PRDM7: variants seen among roughly 807,000 people sequenced by gnomAD.
PRDM7 encodes PR/SET domain 7, also known as histone-lysine N-methyltransferase PRDM7.
In PRDM7, 52 loss-of-function variants were observed where a neutral mutation model predicts 64.3. The ratio of observed to expected loss-of-function variants is 0.81; its 90% confidence interval spans 0.65 to 1.02. PRDM7 has a LOEUF of 1.02. PRDM7 is among the 50% of genes least tolerant of loss of function. PRDM7 has a pLI of 0.00. For synonymous variants in PRDM7, 192 were observed against 210.1 expected (o/e 0.91, Z 0.74); for missense variants, 574 against 597.1 (o/e 0.96, Z 0.40).
chr16:90,061,821 T>A, intron 8 of PRDM7, 100 bp downstream of exon 8: 1 of 1,555,918 alleles, frequency 6.4e-7, no homozygotes. Flanking sequence ...CTAACCATGT[T>A]ATCCCTACCT....
At chr16:90,060,277 A>G (rs2037749362) in intron 10 of PRDM7, 64 bp downstream of exon 10, 4 of 1,612,552 alleles carry the variant, frequency 2.5e-6, no homozygotes, top group Middle Eastern at 1.6e-4. Context: ...GAGTTCAATC[A>G]TGAAAATTCT....
Position 90,058,188 on chromosome 16 carries a change from C to T in PRDM7, c.*101G>A, listed in dbSNP as rs2037711471. The T allele has an allele frequency of 6.2e-7, 1 of 1,614,218 alleles. No individual in the cohort carries two copies. Among genetic ancestry groups the T allele is most frequent in the East Asian group, 2.2e-5 (1 of 44,884 alleles). On this transcript the variant is annotated 3_prime_UTR_variant, in exon 11 of 11. Coordinates refer to ENST00000449207, the MANE Select transcript of PRDM7 (RefSeq NM_001098173.2). ...GATTCACTTTCTGGCCTGTTCTGGA[C>T]TCTTCTTCCATCATTCTTTCTCCCA...
chr16:90,074,763 C>T (rs950201422), intron 4 of PRDM7, among the ~76,000 whole-genome samples, 153 bp downstream of exon 4: 1 of 151,966 alleles, frequency 6.6e-6, no homozygotes, highest in African/African-American at 2.4e-5. Context: ...CCTGTAATCC[C>T]AGTTATTTGG....
intron 4 of PRDM7, among the ~76,000 whole-genome samples, chr16:90,074,431 G>A (rs2038005938): frequency 6.6e-6 from 1 of 150,846 alleles, no homozygotes; most frequent in Admixed American, 6.6e-5. Context: ...ACAAAAATTA[G>A]CTGGGCAAAG....
chr16:90,062,711 A>T (rs900250289), intron 6 of PRDM7, among the ~76,000 whole-genome samples: 1 of 152,202 alleles, frequency 6.6e-6, no homozygotes, highest in African/African-American at 2.4e-5. Flanking sequence ...AGCTGTTCTC[A>T]TTATCCCATT....
At chr16:90,058,774 G>A (rs528808637) in intron 10 of PRDM7, among the ~76,000 whole-genome samples, 1 of 152,146 alleles carries the variant, frequency 6.6e-6, no homozygotes, top group South Asian at 2.1e-4. Flanking sequence ...CAGACTCTGG[G>A]TAACCTCAAG....
intron 7 of PRDM7, 40 bp downstream of exon 7, chr16:90,062,361 A>G (rs753045501): frequency 1.2e-6 from 2 of 1,613,774 alleles, no homozygotes; most frequent in Admixed American, 3.3e-5. Flanking sequence ...GTACCAGGAC[A>G]TAACAGCAAG....
chr16:90,061,193 T>C (rs535359934), intron 9 of PRDM7, among the ~76,000 whole-genome samples: 1 of 152,364 alleles, frequency 6.6e-6, no homozygotes, highest in African/African-American at 2.4e-5. Context: ...AATTAAAGCA[T>C]GAATTAACCT....
intron 4 of PRDM7, among the ~76,000 whole-genome samples, chr16:90,072,690 G>A (rs1167903906): frequency 1.3e-5 from 2 of 152,112 alleles, no homozygotes; most frequent in East Asian, 1.9e-4. Context: ...AAAGTTGTAC[G>A]CTTAAAAATT....
At position 90,058,436 on chromosome 16, in the gene PRDM7, T is replaced by A. The variant is rs1224060433; in HGVS notation, c.1332A>T (p.Arg444Ser). The change falls in exon 11 of 11, where the codon AGA becomes AGT. Residue 444 changes from arginine (R) to serine (S), a missense_variant. Arg to Ser is a moderately radical substitution (Grantham distance 110, BLOSUM62 -1). Transcript: ENST00000449207. Reference protein sequence around the residue: ...VNMWNAITPLRTSQDHLQENF... With the variant: ...VNMWNAITPLSTSQDHLQENF... ...TTTCTTGCAGATGGTCCTGGGAAGT[T>A]CTGAGAGGAGTGATTGCGTTCCACA... The A allele has an allele frequency of 6.2e-7, 1 of 1,614,104 alleles. No individual in the cohort carries two copies. Among genetic ancestry groups the A allele is most frequent in the Non-Finnish European group, 8.5e-7 (1 of 1,180,048 alleles).
At chr16:90,059,988 A>G (rs1345924914) in intron 10 of PRDM7, among the ~76,000 whole-genome samples, 1 of 152,244 alleles carries the variant, frequency 6.6e-6, no homozygotes, top group Non-Finnish European at 1.5e-5. Context: ...ATAACAACAT[A>G]TGCGTATCAT....
intron 4 of PRDM7, among the ~76,000 whole-genome samples, chr16:90,073,070 A>G (rs2037984689): frequency 6.6e-6 from 1 of 152,162 alleles, no homozygotes; most frequent in African/African-American, 2.4e-5. Flanking sequence ...ATGGTACATT[A>G]TTTTATCTAC....
At chr16:90,066,803 AC>A in intron 5 of PRDM7, 57 bp downstream of exon 5, 1 of 1,434,744 alleles carries the variant, frequency 7.0e-7, no homozygotes, top group Non-Finnish European at 9.8e-7. Flanking sequence ...TCCTTCTCTT[AC>A]CTGTATTTGG....
rs1407064979 is a variant in PRDM7, at chr16:90,060,410, C to T, written c.1164G>A (p.Gly388=). The T allele has an allele frequency of 1.9e-6, 3 of 1,613,762 alleles. No homozygotes were observed. Among genetic ancestry groups the T allele is most frequent in the Non-Finnish European group, 2.5e-6 (3 of 1,179,874 alleles). Residue 388 remains glycine (G), a synonymous_variant, in exon 10 of 11, where the codon GGG becomes GGA. Coordinates refer to ENST00000449207, the MANE Select transcript of PRDM7 (RefSeq NM_001098173.2). Reference sequence around the variant, plus strand: ...ATGCCCAGTTCCTGGCCATACTCATCCCCATACCAGACCAGCAGTTCACAG... The same window carrying T: ...ATGCCCAGTTCCTGGCCATACTCATTCCCATACCAGACCAGCAGTTCACAG... The part of the protein sequence containing the change: ...GQAVNCWSGM[G]MSMARNWASS...
At chr16:90,073,685 T>C (rs2037994678) in intron 4 of PRDM7, among the ~76,000 whole-genome samples, 1 of 151,636 alleles carries the variant, frequency 6.6e-6, no homozygotes, top group Admixed American at 6.6e-5. Context: ...ATTGTGCTTG[T>C]TTGTTGAACA....
intron 1 of PRDM7, among the ~76,000 whole-genome samples, chr16:90,076,797 A>G (rs2038042948): frequency 6.6e-6 from 1 of 151,714 alleles, no homozygotes; most frequent in African/African-American, 2.4e-5. Context: ...CGGGTAAAGG[A>G]GATTTGGGTC....
Position 90,058,149 on chromosome 16 carries a change from G to T in PRDM7, c.*140C>A. ...AGATTCCTACCCCCACAAATAATTT[G>T]CCTGTGTTCCCTGGATTCACTTTCT... On this transcript the variant is annotated 3_prime_UTR_variant, in exon 11 of 11. Transcript: ENST00000449207. 2 of 1,614,134 alleles carry T rather than the reference G, an allele frequency of 1.2e-6. No homozygotes were observed. The highest frequency in any genetic ancestry group is 1.7e-6 in the Non-Finnish European group (2 of 1,180,018).
intron 4 of PRDM7, 97 bp from the exon 5 acceptor site, chr16:90,067,007 C>G: frequency 1.9e-6 from 2 of 1,051,636 alleles, no homozygotes; most frequent in Non-Finnish European, 1.4e-6. Flanking sequence ...CTCTGTCGCC[C>G]AGGCTGGAGT....
At chr16:90,067,766 A>C (rs7198289) in intron 4 of PRDM7, among the ~76,000 whole-genome samples, 114,044 of 149,832 alleles carry the variant, frequency 0.76, 45,452 homozygotes, top group Middle Eastern at 0.93. Context: ...AATTTTTTGT[A>C]TTTTTAGTAG....
Sources: gnomAD v4.1 joint callset for allele counts (sites outside exome capture counted in the v4.1 genomes callset) on GRCh38, gnomAD v4.1.1 for gene constraint, MANE v1.5 for transcripts, NCBI Gene and HGNC (gene_info 2026-07-23, HGNC 2026-07-21) for gene names.